The following LYRM4 variants were observed in gnomAD, a reference collection of about 807,000 sequenced individuals.
LYRM4 encodes LYR motif-containing protein 4.
In LYRM4, 9 loss-of-function variants were observed where a neutral mutation model predicts 11.7. The observed-to-expected ratio is 0.77, with a 90% CI of 0.46 to 1.34. LYRM4 has a LOEUF of 1.34. LYRM4 is among the 40% of genes most tolerant of loss of function. LYRM4 has a pLI of 0.00. For synonymous variants in LYRM4, 42 were observed against 40.4 expected (o/e 1.04, Z -0.15); for missense variants, 133 against 112.5 (o/e 1.18, Z -0.82).
chr6:5,195,246 T>C (rs116094894), intron 2 of LYRM4, among the ~76,000 whole-genome samples: 2,703 of 152,286 alleles, frequency 0.018, 75 homozygotes, highest in African/African-American at 0.062. Flanking sequence ...AATGTACATA[T>C]TGATGTTATT....
intron 2 of LYRM4, among the ~76,000 whole-genome samples, chr6:5,213,270 A>G (rs1385472546): frequency 6.6e-6 from 1 of 152,140 alleles, no homozygotes; most frequent in Non-Finnish European, 1.5e-5. Flanking sequence ...AAACCAGGTC[A>G]TTTTTGTCCA....
At chr6:5,076,916 T>C in the LYRM4 span, among the ~76,000 whole-genome samples, 1 of 152,194 alleles carries the variant, frequency 6.6e-6, no homozygotes, top group Non-Finnish European at 1.5e-5. Flanking sequence ...GCAGGGTGGC[T>C]GCAACCACTC....
intron 2 of LYRM4, among the ~76,000 whole-genome samples, chr6:5,174,622 C>T (rs1487578193): frequency 6.6e-6 from 1 of 152,154 alleles, no homozygotes; most frequent in Non-Finnish European, 1.5e-5. Flanking sequence ...AAATCTTTAG[C>T]TTCAGATTTC....
At chr6:5,211,817 C>G (rs1762002975) in intron 2 of LYRM4, among the ~76,000 whole-genome samples, 1 of 152,158 alleles carries the variant, frequency 6.6e-6, no homozygotes, top group African/African-American at 2.4e-5. Context: ...CATCCAAATA[C>G]TTAGATTTTG....
intron 1 of LYRM4, among the ~76,000 whole-genome samples, chr6:5,254,319 C>T (rs543440289): frequency 6.6e-6 from 1 of 152,284 alleles, no homozygotes; most frequent in South Asian, 2.1e-4. Context: ...GTAGGGAAAA[C>T]GCTTCCTTGA....
chr6:5,198,147 G>C (rs1051417212), intron 2 of LYRM4, among the ~76,000 whole-genome samples: 3 of 152,132 alleles, frequency 2.0e-5, no homozygotes, highest in African/African-American at 4.8e-5. Flanking sequence ...ACAGTGAACC[G>C]AGATTGCACC....
intron 2 of LYRM4, among the ~76,000 whole-genome samples, chr6:5,154,761 G>C (rs536696212): frequency 6.6e-6 from 1 of 152,262 alleles, no homozygotes; most frequent in South Asian, 2.1e-4. Flanking sequence ...GGAGCTTGCA[G>C]TGAGCCGGGA....
At chr6:5,097,475 A>C in the LYRM4 span, among the ~76,000 whole-genome samples, 1 of 151,458 alleles carries the variant, frequency 6.6e-6, no homozygotes, top group Admixed American at 6.6e-5. Flanking sequence ...CAGCCTCCTA[A>C]GTAGCTGGGA....
At chr6:5,113,919 A>G (rs1036020561) in intron 2 of LYRM4, among the ~76,000 whole-genome samples, 1 of 152,214 alleles carries the variant, frequency 6.6e-6, no homozygotes, top group Non-Finnish European at 1.5e-5. Flanking sequence ...CTATGAGCCT[A>G]CGTTATGAAA....
At chr6:5,234,397 A>G (rs1033508135) in intron 1 of LYRM4, among the ~76,000 whole-genome samples, 1 of 152,202 alleles carries the variant, frequency 6.6e-6, no homozygotes, top group African/African-American at 2.4e-5. Context: ...CCCTTAGGCT[A>G]TAAGGATTCA....
intron 2 of LYRM4, among the ~76,000 whole-genome samples, chr6:5,166,993 T>G (rs754380079): frequency 1.4e-4 from 21 of 152,280 alleles, no homozygotes; most frequent in South Asian, 8.3e-4. Context: ...ATGCTGGTTT[T>G]ATAGGTGAGA....
chr6:5,203,544 C>T (rs986822605), intron 2 of LYRM4, among the ~76,000 whole-genome samples: 2 of 152,174 alleles, frequency 1.3e-5, no homozygotes, highest in East Asian at 1.9e-4. Flanking sequence ...GTGATGGGAA[C>T]GTTTAAAATA....
chr6:5,170,242 C>T (rs1759345535), intron 2 of LYRM4, among the ~76,000 whole-genome samples: 2 of 152,152 alleles, frequency 1.3e-5, no homozygotes, highest in South Asian at 4.1e-4. Flanking sequence ...TCCCAGAAAA[C>T]CTACTGGAAT....
At chr6:5,121,114 CT>C (rs1403886644) in intron 2 of LYRM4, among the ~76,000 whole-genome samples, 1 of 152,174 alleles carries the variant, frequency 6.6e-6, no homozygotes, top group Non-Finnish European at 1.5e-5. Flanking sequence ...CCCTCCACCC[CT>C]GCCCTGCAAT....
In LYRM4 at chr6:5,246,121, G is replaced by C. The variant is rs1044379853; in HGVS notation, c.86+14527C>G. Among the ~76,000 whole-genome samples, 2 of 152,176 alleles carry C rather than the reference G, an allele frequency of 1.3e-5. 1 individual carries two copies. The highest frequency in any genetic ancestry group is 2.9e-5 in the Non-Finnish European group (2 of 68,042). ...TTGACCTATAAGTTGAATTTTGAAG[G>C]ATGAATAAAAATTTGCTAATAAGGA... On this transcript the variant is annotated intron_variant, in intron 1 of 2. Coordinates refer to ENST00000330636, the MANE Select transcript of LYRM4 (RefSeq NM_020408.6).
At position 5,134,920 on chromosome 6, in the gene LYRM4, C is replaced by CCCGGGG. The variant is rs1479050468; in HGVS notation, c.208-25430_208-25429insCCCCGG. Among the ~76,000 whole-genome samples the CCCGGGG allele has an allele frequency of 1.6e-3, 243 of 147,772 alleles. 50 individuals carry two copies. Among genetic ancestry groups the CCCGGGG allele is most frequent in the African/African-American group, 3.6e-3 (139 of 39,034 alleles). ...AGGGCTGTGGAGGGTGCGGTTCACT[C>CCCGGGG]CTGGGACTGTGGAGGGTGCGGATCA... On this transcript the variant is annotated intron_variant, in intron 2 of 2. Transcript: ENST00000330636.
chr6:5,096,807 C>T, the LYRM4 span, among the ~76,000 whole-genome samples: 1 of 152,220 alleles, frequency 6.6e-6, no homozygotes, highest in Non-Finnish European at 1.5e-5. Context: ...TCTCTTTTCC[C>T]TCTGGCCTCT....
rs1317618029 is a variant in LYRM4 at position 5,134,973 on chromosome 6, G to A, written c.208-25482C>T. 2.8e-4 allele frequency among the ~76,000 whole-genome samples: 35 copies of A among 125,738 alleles called. 2 individuals carry two copies. Among genetic ancestry groups the A allele is most frequent in the East Asian group, 7.5e-4 (3 of 4,024 alleles). The allele number at this position is 125,738 out of a possible 152,430, so 82.5% of individuals were successfully genotyped here. A position where few individuals can be genotyped will look rare whatever the true frequency, so the allele number is the denominator to read the frequency against. ...CCCGGGACTGTGGAGGGTGCGGATCGCTCCCGGGGCTGTGGAGGGTGCGGA... is the reference window on the plus strand; with the variant it reads ...CCCGGGACTGTGGAGGGTGCGGATCACTCCCGGGGCTGTGGAGGGTGCGGA... On this transcript the variant is annotated intron_variant, in intron 2 of 2. Transcript: ENST00000330636.
At chr6:5,097,317 G>T in the LYRM4 span, among the ~76,000 whole-genome samples, 2 of 151,262 alleles carry the variant, frequency 1.3e-5, no homozygotes, top group South Asian at 2.1e-4. Flanking sequence ...GCAGTGGCAC[G>T]ATCATGGCTC....
Sources: allele counts gnomAD v4.1 joint callset (sites outside exome capture counted in the v4.1 genomes callset), GRCh38; gene constraint gnomAD v4.1.1; transcripts MANE v1.5; gene names NCBI Gene and HGNC (gene_info 2026-07-23, HGNC 2026-07-21).